Variants in SWI5 observed in about 807,000 individuals in gnomAD.
SWI5 encodes the protein DNA repair protein SWI5 homolog.
Under a neutral mutation model 17.0 loss-of-function variants are expected in SWI5, and 12 were observed. That is an observed-to-expected ratio of 0.71 (90% CI 0.45 to 1.14). The LOEUF is 1.14. Among genes scored for constraint, SWI5 ranks in the 50% most tolerant of loss-of-function variants. SWI5 has a pLI of 0.00. For synonymous variants in SWI5, 61 were observed against 64.0 expected (o/e 0.95, Z 0.22); for missense variants, 158 against 162.2 (o/e 0.97, Z 0.14).
chr9:128,277,183 C>T (rs1564372246), intron 2 of SWI5, among the ~76,000 whole-genome samples: 1 of 152,254 alleles, frequency 6.6e-6, no homozygotes, highest in Non-Finnish European at 1.5e-5. Context: ...GCTGGCAAGC[C>T]ACCCCCAAAA....
chr9:128,281,445 C>CTTT (rs145256272), intron 2 of SWI5, among the ~76,000 whole-genome samples: 1,611 of 152,276 alleles, frequency 0.011, 12 homozygotes, highest in Middle Eastern at 0.017. Context: ...TTCTGCCAAG[C>CTTT]TAAAGCCTGC....
exon 5 of SWI5, chr9:128,288,727 C>A (rs747192402): frequency 6.2e-7 from 1 of 1,614,042 alleles, no homozygotes; most frequent in Non-Finnish European, 8.5e-7. Flanking sequence ...GCAGGCTCAT[C>A]GCCCCTTGTC....
chr9:128,283,074 G>A (rs1186707486), intron 2 of SWI5, among the ~76,000 whole-genome samples: 1 of 151,920 alleles, frequency 6.6e-6, no homozygotes, highest in Non-Finnish European at 1.5e-5. Context: ...CAGCACTTTG[G>A]GAGGCCGAGG....
At chr9:128,275,366 C>G, upstream of SWI5, 2 of 1,275,972 alleles carry the variant, frequency 1.6e-6, no homozygotes, top group South Asian at 5.5e-5. Context: ...CATTCCACTC[C>G]TAGGGGGAAC....
At chr9:128,276,340 G>T in exon 1 of SWI5, 1 of 1,613,130 alleles carries the variant, frequency 6.2e-7, no homozygotes, top group Non-Finnish European at 8.5e-7. Flanking sequence ...CGACTCCCGC[G>T]CTGGACCCTC....
chr9:128,287,828 C>T (rs1831672044), intron 4 of SWI5, among the ~76,000 whole-genome samples: 1 of 152,050 alleles, frequency 6.6e-6, no homozygotes, highest in Non-Finnish European at 1.5e-5. Context: ...TCCCAAAGTG[C>T]TGAGATTATA....
At chr9:128,279,101 T>C (rs1375867988) in intron 2 of SWI5, among the ~76,000 whole-genome samples, 1 of 152,134 alleles carries the variant, frequency 6.6e-6, no homozygotes, top group Admixed American at 6.6e-5. Context: ...TACCTTGGGC[T>C]TGCTCCTCTC....
intron 2 of SWI5, among the ~76,000 whole-genome samples, chr9:128,283,670 C>A (rs764718151): frequency 6.6e-6 from 1 of 152,186 alleles, no homozygotes; most frequent in Non-Finnish European, 1.5e-5. Context: ...TTAAACAGTT[C>A]ATTGGCACCC....
At chr9:128,277,996 G>T (rs1433826784) in intron 2 of SWI5, among the ~76,000 whole-genome samples, 4 of 143,586 alleles carry the variant, frequency 2.8e-5, no homozygotes, top group Non-Finnish European at 4.5e-5. Context: ...TCTGTCGCCC[G>T]GGCTGGAGTG....
At chr9:128,275,835 C>T, upstream of SWI5, 2 of 897,964 alleles carry the variant, frequency 2.2e-6, no homozygotes, top group South Asian at 1.5e-5. Flanking sequence ...TGGCCATGGT[C>T]CTGCCATCGG....
Position 128,285,108 on chromosome 9 carries a change from A to G in SWI5, c.233+477A>G, listed in dbSNP as rs1184084995. Among the ~76,000 whole-genome samples the G allele has an allele frequency of 1.3e-5, 2 of 152,248 alleles. No homozygotes were observed. Among genetic ancestry groups the G allele is most frequent in the East Asian group, 3.9e-4 (2 of 5,184 alleles). ...CTTGAACCTGGCAGGCAGAGGTTGC[A>G]GTGAGGCGAGATCGCGCCACTGCAC... On this transcript the variant is annotated intron_variant, in intron 3 of 4. Transcript: ENST00000418976. The surrounding 1 kb of genome is among the most constrained non-coding windows in gnomAD (Gnocchi z 4.8).
intron 4 of SWI5, among the ~76,000 whole-genome samples, 173 bp from the exon 5 acceptor site, chr9:128,288,479 A>AGG (rs1350648937): frequency 6.6e-6 from 1 of 152,186 alleles, no homozygotes; most frequent in African/African-American, 2.4e-5. Flanking sequence ...ACAGCCTGGA[A>AGG]GGAGTAGCAG....
At chr9:128,275,795 C>T, upstream of SWI5, 4 of 677,830 alleles carry the variant, frequency 5.9e-6, no homozygotes, top group Non-Finnish European at 9.8e-6. Flanking sequence ...GGGAGCCCAG[C>T]CCGGTGTGCC....
chr9:128,287,210 G>T (rs2131425719), intron 4 of SWI5, among the ~76,000 whole-genome samples: 1 of 151,080 alleles, frequency 6.6e-6, no homozygotes, highest in African/African-American at 2.4e-5. Context: ...ACTTTGGGAG[G>T]CCGAGGCAGG....
upstream of SWI5, chr9:128,275,809 G>A (rs972388662): frequency 4.1e-6 from 3 of 738,042 alleles, no homozygotes; most frequent in African/African-American, 5.5e-5. Flanking sequence ...GTGTGCCTCA[G>A]GAGTGGCAGA....
intron 2 of SWI5, among the ~76,000 whole-genome samples, chr9:128,277,389 T>C (rs962793703): frequency 5.9e-5 from 9 of 151,934 alleles, no homozygotes; most frequent in African/African-American, 9.7e-5. Flanking sequence ...CTGTCTCTAC[T>C]AAAAATACAA....
At position 128,285,386 on chromosome 9, in the gene SWI5, G is replaced by C. The variant is rs1831621472; in HGVS notation, c.234-553G>C. Among the ~76,000 whole-genome samples, 1 of 152,156 alleles carries C rather than the reference G, an allele frequency of 6.6e-6. No individual in the cohort carries two copies. The highest frequency in any genetic ancestry group is 1.5e-5 in the Non-Finnish European group (1 of 68,022). ...CAGGTAGGGAGATGCTCAGGCTGTGGGAGGGCCTGAACTAGGACTGGAAAG... is the reference window on the plus strand; with the variant it reads ...CAGGTAGGGAGATGCTCAGGCTGTGCGAGGGCCTGAACTAGGACTGGAAAG... On this transcript the variant is annotated intron_variant, in intron 3 of 4. Transcript: ENST00000418976. The surrounding 1 kb of genome is among the most constrained non-coding windows in gnomAD (Gnocchi z 4.8).
At chr9:128,284,711 T>C (rs1831605413) in intron 3 of SWI5, 80 bp downstream of exon 3, 5 of 1,509,404 alleles carry the variant, frequency 3.3e-6, no homozygotes, top group Non-Finnish European at 4.5e-6. Flanking sequence ...ATCCCAGCAC[T>C]TTGGGAGGCT....
chr9:128,286,569 G>C (rs1173685136), intron 4 of SWI5: 2 of 154,474 alleles, frequency 1.3e-5, no homozygotes, highest in African/African-American at 4.8e-5. Flanking sequence ...CCCCTGGCTT[G>C]GAGTGCTGGG....
Sources: gnomAD v4.1 joint callset for allele counts (sites outside exome capture counted in the v4.1 genomes callset) on GRCh38, gnomAD v4.1.1 for gene constraint, Gnocchi (gnomAD v3.1) non-coding constraint, MANE v1.5 for transcripts, NCBI Gene and HGNC (gene_info 2026-07-23, HGNC 2026-07-21) for gene names.